Variants in BRD3 observed in about 807,000 individuals in gnomAD.
BRD3 encodes bromodomain-containing protein 3.
In BRD3, 17 loss-of-function variants were observed where a neutral mutation model predicts 66.8. That is an observed-to-expected ratio of 0.25 (90% CI 0.17 to 0.38). The LOEUF (loss-of-function observed/expected upper bound fraction) is 0.38, where lower values mean the gene tolerates loss of function less well. Ranked by LOEUF, BRD3 falls within the 10% of genes least tolerant of loss-of-function variation. The pLI is 1.00. For synonymous variants in BRD3, 421 were observed against 393.2 expected (o/e 1.07, Z -0.84); for missense variants, 713 against 956.1 (o/e 0.75, Z 3.35).
At position 134,048,232 on chromosome 9, in the gene BRD3, G is replaced by T; in HGVS notation, c.937C>A (p.Arg313Ser). ...TCCCTGAGGATGCTGTCGCAGTAGC[G>T]TAGGTGCTCCGACAGCTTGCCCTTC... The part of the protein sequence containing the change: ...GKKGKLSEHL[R>S]YCDSILREML... Residue 313 changes from arginine (R) to serine (S), a missense_variant, in exon 6 of 12, where the codon CGC becomes AGC. Physicochemically the swap from Arg to Ser is moderately radical, Grantham distance 110. This residue lies in a region of BRD3 where 418 missense variants were observed against 609.3 expected (regional missense o/e 0.69). Coordinates refer to ENST00000303407, the MANE Select transcript of BRD3 (RefSeq NM_007371.4). The T allele has an allele frequency of 1.2e-6, 2 of 1,612,640 alleles. No individual in the cohort carries two copies. Among genetic ancestry groups the T allele is most frequent in the Non-Finnish European group, 1.7e-6 (2 of 1,179,780 alleles).
Position 134,036,726 on chromosome 9 carries a change from G to A in BRD3, c.1644-402C>T, listed in dbSNP as rs536355452. On this transcript the variant is annotated intron_variant, in intron 9 of 11. Coordinates refer to ENST00000303407, the MANE Select transcript of BRD3 (RefSeq NM_007371.4). ...AATTATGTGAAATATAAACGGTCTAGGGCCGGGCGCGGTGGCTCACGCCTG... is the reference window on the plus strand; with the variant it reads ...AATTATGTGAAATATAAACGGTCTAAGGCCGGGCGCGGTGGCTCACGCCTG... The A allele has an allele frequency of 2.9e-4, 247 of 864,536 alleles. 3 individuals are homozygous for A. The South Asian group carries it at 3.2e-3, about 11-fold the overall frequency. 53.6% of individuals were successfully genotyped at this position (864,536 alleles called of 1,614,324 possible).
chr9:134,052,571 G>A, intron 2 of BRD3, 128 bp from the exon 3 acceptor site: 2 of 1,038,118 alleles, frequency 1.9e-6, no homozygotes, highest in East Asian at 4.8e-5. Flanking sequence ...GCACTTTCTG[G>A]TCTCTGAAGG....
In BRD3 at chr9:134,031,506, G is replaced by T. The variant is rs1843512119; in HGVS notation, c.*2084C>A. On this transcript the variant is annotated 3_prime_UTR_variant, in exon 12 of 12. Transcript: ENST00000303407. ...TTAGAAAATACCTTTGAAAACGAGG[G>T]TAACTTTAAAAAATGGAAACTTTCA... 5.0e-6 allele frequency: 1 copy of T among 201,406 alleles called. No individual in the cohort carries two copies. Among genetic ancestry groups the T allele is most frequent in the Non-Finnish European group, 1.0e-5 (1 of 98,088 alleles). 12.5% of individuals were successfully genotyped at this position (201,406 alleles called of 1,614,324 possible).
chr9:134,048,558 G>A (rs1199790180), intron 5 of BRD3, 104 bp from the exon 6 acceptor site: 2 of 1,537,052 alleles, frequency 1.3e-6, no homozygotes, highest in Non-Finnish European at 1.8e-6. Context: ...CTGGCGCTGG[G>A]CTAAGCGGCC....
At chr9:134,063,032 C>T (rs1830577449) in intron 1 of BRD3, among the ~76,000 whole-genome samples, 2 of 152,230 alleles carry the variant, frequency 1.3e-5, no homozygotes, top group African/African-American at 4.8e-5. Context: ...AAGAACCAAA[C>T]TCACAAAACA....
At position 134,030,438 on chromosome 9, in the gene BRD3, C is replaced by G. The variant is rs1044880009; in HGVS notation, c.*3152G>C. On this transcript the variant is annotated 3_prime_UTR_variant, in exon 12 of 12. Coordinates refer to ENST00000303407, the MANE Select transcript of BRD3 (RefSeq NM_007371.4). The stretch of plus-strand genomic sequence containing the variant: ...TTCTGTTGTGTTGAGGCCAGCATTG[C>G]AATAAACAAGCTAAACTACTTACAT... 5.3e-6 allele frequency: 1 copy of G among 188,992 alleles called. No individual in the cohort carries two copies. The highest frequency in any genetic ancestry group is 8.4e-5 in the East Asian group (1 of 11,902). 11.7% of individuals were successfully genotyped at this position (188,992 alleles called of 1,614,324 possible). A position where few individuals can be genotyped will look rare whatever the true frequency, so the allele number is the denominator to read the frequency against.
In BRD3 at chr9:134,040,354, T is replaced by C; in HGVS notation, c.1408-85A>G. The C allele has an allele frequency of 9.6e-6, 14 of 1,456,288 alleles. No homozygotes were observed. The South Asian group carries it at 1.8e-4, about 19-fold the overall frequency. 90.2% of individuals were successfully genotyped at this position (1,456,288 alleles called of 1,614,324 possible). ...TGGCGCCCTGGGATTGGAGGGGGCTTGGGGCGATGTCGGAGCTGCCTCAGC... is the reference window on the plus strand; with the variant it reads ...TGGCGCCCTGGGATTGGAGGGGGCTCGGGGCGATGTCGGAGCTGCCTCAGC... On this transcript the variant is annotated intron_variant, in intron 8 of 11. Coordinates refer to ENST00000303407, the MANE Select transcript of BRD3 (RefSeq NM_007371.4).
At chr9:134,064,095 C>T (rs1252964195) in intron 1 of BRD3, among the ~76,000 whole-genome samples, 5 of 152,244 alleles carry the variant, frequency 3.3e-5, no homozygotes, top group African/African-American at 4.8e-5. Context: ...AGACAGCCAA[C>T]AGCACGGACA....
intron 4 of BRD3, 106 bp downstream of exon 4, chr9:134,051,456 G>C: frequency 1.6e-6 from 2 of 1,256,928 alleles, no homozygotes; most frequent in Non-Finnish European, 2.1e-6. Flanking sequence ...AGCTCGTCAC[G>C]ACAGATGGGA....
Position 134,035,151 on chromosome 9 carries a change from A to G in BRD3, c.1937-322T>C, listed in dbSNP as rs143874053. Reference sequence around the variant, plus strand: ...GGATGCGGTTTGGCCAACGTCCCTCATGTGCAGGGCAGAGCCTCTGATTCA... The same window carrying G: ...GGATGCGGTTTGGCCAACGTCCCTCGTGTGCAGGGCAGAGCCTCTGATTCA... On this transcript the variant is annotated intron_variant, in intron 10 of 11. Transcript: ENST00000303407. Among the ~76,000 whole-genome samples the G allele has an allele frequency of 2.5e-3, 374 of 152,272 alleles. 2 individuals carry two copies. The highest frequency in any genetic ancestry group is 4.5e-3 in the Non-Finnish European group (305 of 68,020).
At chr9:134,060,271 A>G (rs1474202306) in intron 1 of BRD3, among the ~76,000 whole-genome samples, 1 of 152,108 alleles carries the variant, frequency 6.6e-6, no homozygotes, top group African/African-American at 2.4e-5. Context: ...CCAAGCGAAA[A>G]CCCAGCAGTG....
chr9:134,064,142 C>A (rs1056875739), intron 1 of BRD3, among the ~76,000 whole-genome samples: 1 of 152,212 alleles, frequency 6.6e-6, no homozygotes, highest in African/African-American at 2.4e-5. Flanking sequence ...CGCACAGGTC[C>A]TGGCTCCACT....
intron 1 of BRD3, among the ~76,000 whole-genome samples, chr9:134,055,513 G>C (rs10993902): frequency 6.6e-6 from 1 of 152,238 alleles, no homozygotes; most frequent in South Asian, 2.1e-4. Context: ...CCAGCCACAC[G>C]GCCTGGTCCT....
At chr9:134,042,644 T>TAC (rs1291806834) in intron 7 of BRD3, among the ~76,000 whole-genome samples, 692 of 128,856 alleles carry the variant, frequency 5.4e-3, no homozygotes, top group Middle Eastern at 8.0e-3. Context: ...CTCAAATATA[T>TAC]ATACACACAC....
intron 1 of BRD3, among the ~76,000 whole-genome samples, chr9:134,065,658 G>C (rs745725550): frequency 1.3e-5 from 2 of 152,202 alleles, no homozygotes; most frequent in Non-Finnish European, 2.9e-5. Context: ...CCGGTACCGT[G>C]TGTATCCACA....
At position 134,045,464 on chromosome 9, in the gene BRD3, C is replaced by T; in HGVS notation, c.1087-43G>A. Reference sequence around the variant, plus strand: ...AGGGGCCAGTGAGCGTGGCCCGTGGCATCAGGACTCTCTGCCACACCCCAC... The same window carrying T: ...AGGGGCCAGTGAGCGTGGCCCGTGGTATCAGGACTCTCTGCCACACCCCAC... On this transcript the variant is annotated intron_variant, in intron 6 of 11. Transcript: ENST00000303407. This position sits in a 1 kb window ranked among gnomAD's most constrained non-coding sequence, Gnocchi z 4.8. 1 of 1,610,740 alleles carries T rather than the reference C, an allele frequency of 6.2e-7. No individual in the cohort carries two copies. Among genetic ancestry groups the T allele is most frequent in the Non-Finnish European group, 8.5e-7 (1 of 1,178,348 alleles).
intron 7 of BRD3, among the ~76,000 whole-genome samples, chr9:134,043,967 T>C (rs1350524896): frequency 6.6e-6 from 1 of 152,200 alleles, no homozygotes; most frequent in African/African-American, 2.4e-5. Flanking sequence ...ACCATGTCTA[T>C]CCAACAGCAC....
chr9:134,054,967 T>A (rs12346699), intron 1 of BRD3, among the ~76,000 whole-genome samples: 4 of 152,208 alleles, frequency 2.6e-5, no homozygotes, highest in Non-Finnish European at 5.9e-5. Context: ...GCCCCGTCTC[T>A]GGGGCGCCCA....
intron 1 of BRD3, among the ~76,000 whole-genome samples, chr9:134,060,001 GCT>G (rs1830503502): frequency 6.6e-6 from 1 of 152,214 alleles, no homozygotes; most frequent in Non-Finnish European, 1.5e-5. Flanking sequence ...CAGGGATGGA[GCT>G]CTGTCTCCCA....
Sources: gnomAD v4.1 joint callset for allele counts (sites outside exome capture counted in the v4.1 genomes callset) on GRCh38, gnomAD v4.1.1 for gene constraint, gnomAD v4.1.1 regional missense constraint, Gnocchi (gnomAD v3.1) non-coding constraint, MANE v1.5 for transcripts, NCBI Gene and HGNC (gene_info 2026-07-23, HGNC 2026-07-21) for gene names.